The following LSAMP variants were observed in gnomAD, a reference collection of about 807,000 sequenced individuals.
The protein encoded by LSAMP is limbic system-associated membrane protein.
In LSAMP, 7 loss-of-function variants were observed where a neutral mutation model predicts 38.6. That is an observed-to-expected ratio of 0.18 (90% confidence interval 0.10 to 0.34). The LOEUF (loss-of-function observed/expected upper bound fraction) is 0.34. Ranked by LOEUF, LSAMP falls within the 10% of genes least tolerant of loss-of-function variation. The pLI is 1.00. For missense variants in LSAMP, 313 were observed against 420.0 expected, an observed-to-expected ratio of 0.75 and a Z score of 2.23; for synonymous variants, 154 against 166.8, an observed-to-expected ratio of 0.92 and a Z score of 0.59.
At chr3:116,158,484 T>C (rs1464026216) in intron 1 of LSAMP, among the ~76,000 whole-genome samples, 1 of 152,166 alleles carries the variant, frequency 6.6e-6, no homozygotes, top group African/African-American at 2.4e-5. Context: ...ATCTGATAAA[T>C]AATTTCAGCT....
intron 1 of LSAMP, among the ~76,000 whole-genome samples, chr3:116,105,176 G>GAAAA (rs1559744261): frequency 7.9e-4 from 106 of 134,128 alleles, no homozygotes; most frequent in African/African-American, 3.5e-3. Flanking sequence ...TTGACTAGGG[G>GAAAA]GAAAAAAAAA....
At chr3:115,812,410 G>T (rs540412703) in intron 6 of LSAMP, among the ~76,000 whole-genome samples, 1 of 152,136 alleles carries the variant, frequency 6.6e-6, no homozygotes, top group Non-Finnish European at 1.5e-5. Context: ...ATTAGTAATT[G>T]TTGACCAGGT....
intron 2 of LSAMP, among the ~76,000 whole-genome samples, chr3:116,065,088 T>G (rs1280187319): frequency 1.3e-5 from 2 of 152,228 alleles, no homozygotes; most frequent in Non-Finnish European, 2.9e-5. Flanking sequence ...AGCCACTTTG[T>G]CAAATATTAC....
At chr3:116,009,177 C>T (rs761911636) in intron 3 of LSAMP, among the ~76,000 whole-genome samples, 1 of 152,146 alleles carries the variant, frequency 6.6e-6, no homozygotes, top group African/African-American at 2.4e-5. Flanking sequence ...CTAGGTGTTT[C>T]TCTGTGCTAG....
chr3:116,261,584 C>T (rs1340502633), intron 1 of LSAMP, among the ~76,000 whole-genome samples: 1 of 152,060 alleles, frequency 6.6e-6, no homozygotes, highest in African/African-American at 2.4e-5. Context: ...TGAAAGTTAT[C>T]TGTATTTTAA....
chr3:116,073,691 G>A (rs891582398), intron 2 of LSAMP, among the ~76,000 whole-genome samples: 4 of 152,164 alleles, frequency 2.6e-5, no homozygotes, highest in African/African-American at 9.7e-5. Flanking sequence ...CTTTACTGAA[G>A]TTGCTAATCA....
At chr3:116,126,734 T>C (rs1709016590) in intron 1 of LSAMP, among the ~76,000 whole-genome samples, 1 of 152,098 alleles carries the variant, frequency 6.6e-6, no homozygotes, top group South Asian at 2.1e-4. Flanking sequence ...TGGTGGTGCA[T>C]GCCTGTAATC....
At chr3:116,224,157 C>T (rs2107619970) in intron 1 of LSAMP, among the ~76,000 whole-genome samples, 1 of 152,276 alleles carries the variant, frequency 6.6e-6, no homozygotes, top group South Asian at 2.1e-4. Context: ...CATAACCTCC[C>T]TACTAGGCTG....
intron 1 of LSAMP, among the ~76,000 whole-genome samples, chr3:116,332,919 C>A (rs2047869252): frequency 6.6e-6 from 1 of 151,830 alleles, no homozygotes; most frequent in African/African-American, 2.4e-5. Flanking sequence ...TATTAATAGA[C>A]TGTTCAATAC....
intron 1 of LSAMP, among the ~76,000 whole-genome samples, chr3:116,319,064 G>C (rs1324682051): frequency 6.6e-6 from 1 of 152,130 alleles, no homozygotes; most frequent in African/African-American, 2.4e-5. Flanking sequence ...GGATTACTGG[G>C]AGAAGTAGGG....
At chr3:116,330,820 A>G (rs1457411384) in intron 1 of LSAMP, among the ~76,000 whole-genome samples, 1 of 152,162 alleles carries the variant, frequency 6.6e-6, no homozygotes, top group Non-Finnish European at 1.5e-5. Context: ...AAGTTACCAC[A>G]TTATTAGATA....
At chr3:116,344,340 C>T (rs375618899) in intron 1 of LSAMP, among the ~76,000 whole-genome samples, 1 of 151,840 alleles carries the variant, frequency 6.6e-6, no homozygotes, top group African/African-American at 2.4e-5. Flanking sequence ...TCACTTAAGG[C>T]CTTGGGGTAA....
intron 1 of LSAMP, among the ~76,000 whole-genome samples, chr3:116,286,547 T>C (rs1296386506): frequency 6.6e-6 from 1 of 152,148 alleles, no homozygotes; most frequent in African/African-American, 2.4e-5. Flanking sequence ...GAGGCTTCTA[T>C]GGTTTTAATC....
chr3:115,996,642 TG>T (rs907742338), intron 3 of LSAMP, among the ~76,000 whole-genome samples: 1 of 152,004 alleles, frequency 6.6e-6, no homozygotes, highest in Admixed American at 6.6e-5. Context: ...GGTATGGATG[TG>T]GGGAAAAAAA....
At chr3:116,090,210 TAA>T (rs11328666) in intron 1 of LSAMP, among the ~76,000 whole-genome samples, 52 of 126,596 alleles carry the variant, frequency 4.1e-4, no homozygotes, top group Non-Finnish European at 4.8e-4. Flanking sequence ...AGACCTTGTC[TAA>T]AAAAAAAAAA....
chr3:115,817,735 G>T (rs535369293), intron 6 of LSAMP, among the ~76,000 whole-genome samples: 1 of 152,160 alleles, frequency 6.6e-6, no homozygotes, highest in Non-Finnish European at 1.5e-5. Context: ...CATGCTGCAA[G>T]TTCATACAAA....
intron 1 of LSAMP, among the ~76,000 whole-genome samples, chr3:116,338,144 G>C (rs965225440): frequency 1.3e-5 from 2 of 151,968 alleles, no homozygotes; most frequent in Non-Finnish European, 2.9e-5. Flanking sequence ...TTTGTGGAAA[G>C]GATTCTCTTT....
chr3:116,125,374 C>A (rs1708984532), intron 1 of LSAMP, among the ~76,000 whole-genome samples: 1 of 151,218 alleles, frequency 6.6e-6, no homozygotes, highest in South Asian at 2.1e-4. Context: ...CCACCCCCGC[C>A]ACGAGTTTCC....
chr3:116,109,868 A>AG (rs997436374), intron 1 of LSAMP, among the ~76,000 whole-genome samples: 15 of 149,144 alleles, frequency 1.0e-4, no homozygotes, highest in African/African-American at 3.7e-4. Context: ...AAAAGCGGGA[A>AG]GGGGGGTCGG....
Sources: gnomAD v4.1 joint callset for allele counts (sites outside exome capture counted in the v4.1 genomes callset) on GRCh38, gnomAD v4.1.1 for gene constraint, MANE v1.5 for transcripts, NCBI Gene and HGNC (gene_info 2026-07-23, HGNC 2026-07-21) for gene names.